DYTN: variants seen among roughly 807,000 people sequenced by gnomAD.
The protein encoded by DYTN is dystrotelin.
In DYTN, 75 loss-of-function variants were observed where a neutral mutation model predicts 69.6. That is an observed-to-expected ratio of 1.08 (90% CI 0.89 to 1.31). The LOEUF is 1.31. DYTN is among the 50% of genes most tolerant of loss of function. The pLI is 0.00. For synonymous variants in DYTN, 252 were observed against 249.1 expected (o/e 1.01, Z -0.11); for missense variants, 726 against 688.4 (o/e 1.05, Z -0.61).
intron 11 of DYTN, among the ~76,000 whole-genome samples, chr2:206,654,858 A>G (rs1699428372): frequency 6.6e-6 from 1 of 152,220 alleles, no homozygotes. Flanking sequence ...GAACAGGAAT[A>G]AACCTCCTGC....
At chr2:206,704,112 T>C (rs1477435328) in intron 5 of DYTN, among the ~76,000 whole-genome samples, 1 of 152,220 alleles carries the variant, frequency 6.6e-6, no homozygotes, top group African/African-American at 2.4e-5. Context: ...ATCTATGCAT[T>C]CTTTAAGCAT....
intron 9 of DYTN, among the ~76,000 whole-genome samples, chr2:206,667,827 C>A (rs1699590929): frequency 6.6e-6 from 1 of 151,950 alleles, no homozygotes; most frequent in African/African-American, 2.4e-5. Flanking sequence ...TTGATCACTG[C>A]TGTTAGCATA....
chr2:206,698,705 T>A (rs2105898997), intron 7 of DYTN, among the ~76,000 whole-genome samples: 1 of 152,368 alleles, frequency 6.6e-6, no homozygotes, highest in Admixed American at 6.5e-5. Context: ...TTCTCTAAGA[T>A]GGGATTTTGA....
intron 1 of DYTN, among the ~76,000 whole-genome samples, chr2:206,715,451 C>T (rs1700117868): frequency 6.6e-6 from 1 of 152,092 alleles, no homozygotes; most frequent in African/African-American, 2.4e-5. Flanking sequence ...TGTCTTGTTG[C>T]TTGCTGGGAA....
intron 11 of DYTN, among the ~76,000 whole-genome samples, chr2:206,655,240 T>C (rs1393787846): frequency 1.5e-5 from 2 of 133,788 alleles, no homozygotes; most frequent in Non-Finnish European, 1.6e-5. Flanking sequence ...ATTGTGATGA[T>C]TGTGTGATTT....
At chr2:206,671,087 C>T (rs772311082) in intron 9 of DYTN, among the ~76,000 whole-genome samples, 5 of 152,176 alleles carry the variant, frequency 3.3e-5, no homozygotes, top group East Asian at 3.9e-4. Flanking sequence ...TCACACTCTG[C>T]GCCCTGAACT....
intron 9 of DYTN, among the ~76,000 whole-genome samples, chr2:206,690,400 T>A (rs1445701216): frequency 1.3e-5 from 2 of 152,100 alleles, no homozygotes; most frequent in Non-Finnish European, 2.9e-5. Flanking sequence ...GGAAGGACTG[T>A]GACTTTCTTG....
chr2:206,654,030 A>G (rs1699418087), intron 11 of DYTN, among the ~76,000 whole-genome samples: 1 of 152,266 alleles, frequency 6.6e-6, no homozygotes, highest in Non-Finnish European at 1.5e-5. Flanking sequence ...CAGTGCAAGC[A>G]CAGTGCTTGG....
chr2:206,712,629 T>G (rs541204370), intron 1 of DYTN, among the ~76,000 whole-genome samples: 13 of 152,264 alleles, frequency 8.5e-5, no homozygotes, highest in Admixed American at 2.6e-4. Flanking sequence ...ATCCAGGTAG[T>G]ATATGATGTA....
intron 4 of DYTN, 129 bp from the exon 5 acceptor site, chr2:206,705,072 A>G (rs1209961346): frequency 2.6e-6 from 2 of 762,364 alleles, no homozygotes; most frequent in East Asian, 5.4e-5. Context: ...GTTCTTGATT[A>G]TTGGCTAGCT....
At position 206,663,401 on chromosome 2, in the gene DYTN, G is replaced by A. The variant is rs1254533737; in HGVS notation, c.1141-6C>T. The A allele has an allele frequency of 6.4e-7, 1 of 1,560,484 alleles. No homozygotes were observed. Among genetic ancestry groups the A allele is most frequent in the South Asian group, 1.2e-5 (1 of 82,868 alleles). ...CCGGGTGGCTGCAACCTTGCCTGGG[G>A]AAACAAAACTTTATTTATGAAGAAA... On this transcript the variant is annotated splice_polypyrimidine_tract_variant and splice_region_variant and intron_variant, in intron 10 of 11. Coordinates refer to ENST00000452335, the MANE Select transcript of DYTN (RefSeq NM_001093730.1).
At position 206,665,916 on chromosome 2, in the gene DYTN, TG is replaced by T. The variant is rs750820228; in HGVS notation, c.1093del (p.Gln365ArgfsTer11). On this transcript the variant is annotated frameshift_variant, in exon 10 of 12. Coordinates refer to ENST00000452335, the MANE Select transcript of DYTN (RefSeq NM_001093730.1). LOFTEE classifies it high-confidence loss of function. ...TTGTAGCTTGGTCCATAGACTATCC[TG>T]GTTGGTTTTGAGTTTGTGAATCCTT... is the stretch of plus-strand genomic sequence containing the variant. ...ETRIHKLKTN[Q>X]DSLWTKLQQI... 13 of 1,613,870 alleles carry T rather than the reference TG, an allele frequency of 8.1e-6. No individual in the cohort carries two copies. The highest frequency in any genetic ancestry group is 6.7e-5 in the Admixed American group (4 of 59,974).
At chr2:206,686,705 A>C (rs1188511275) in intron 9 of DYTN, 1 of 152,314 alleles carries the variant, frequency 6.6e-6, no homozygotes, top group East Asian at 1.9e-4. Context: ...GAATATAAGG[A>C]AACTCTGTGG....
At chr2:206,667,634 A>G (rs1278408640) in intron 9 of DYTN, among the ~76,000 whole-genome samples, 1 of 151,608 alleles carries the variant, frequency 6.6e-6, no homozygotes. Context: ...TTACTTATAT[A>G]TTACCTACTC....
intron 9 of DYTN, among the ~76,000 whole-genome samples, chr2:206,669,926 G>C (rs528806059): frequency 2.2e-4 from 34 of 152,218 alleles, no homozygotes; most frequent in Admixed American, 5.2e-4. Context: ...TAGTTTATTG[G>C]ACATGTACTG....
At chr2:206,702,177 C>A (rs557336714) in intron 5 of DYTN, among the ~76,000 whole-genome samples, 5 of 152,344 alleles carry the variant, frequency 3.3e-5, no homozygotes, top group South Asian at 4.1e-4. Flanking sequence ...CACTAAGAAC[C>A]TTTTGTGACT....
intron 11 of DYTN, among the ~76,000 whole-genome samples, 194 bp from the exon 12 acceptor site, chr2:206,652,115 T>C (rs150910531): frequency 3.9e-4 from 59 of 152,330 alleles, no homozygotes; most frequent in African/African-American, 1.2e-3. Context: ...CAGTCAGGCA[T>C]AGGTTCTTAA....
At chr2:206,674,710 A>G (rs1365439466) in intron 9 of DYTN, among the ~76,000 whole-genome samples, 1 of 151,854 alleles carries the variant, frequency 6.6e-6, no homozygotes, top group Non-Finnish European at 1.5e-5. Flanking sequence ...TAATCTACAA[A>G]CAAGTGTAGA....
At chr2:206,706,131 A>G (rs1199339058) in intron 3 of DYTN, among the ~76,000 whole-genome samples, 1 of 152,206 alleles carries the variant, frequency 6.6e-6, no homozygotes, top group African/African-American at 2.4e-5. Context: ...GCACTGTACC[A>G]GGCATCAGGG....
Sources: gnomAD v4.1 joint callset for allele counts (sites outside exome capture counted in the v4.1 genomes callset) on GRCh38, gnomAD v4.1.1 for gene constraint, MANE v1.5 for transcripts, NCBI Gene and HGNC (gene_info 2026-07-23, HGNC 2026-07-21) for gene names.